The following TMEM132C variants were observed in gnomAD, a reference collection of about 807,000 sequenced individuals.
The protein encoded by TMEM132C is transmembrane protein 132C.
In TMEM132C, 29 loss-of-function variants were observed where a neutral mutation model predicts 61.4. The observed-to-expected ratio is 0.47, with a 90% CI of 0.35 to 0.64. The LOEUF (loss-of-function observed/expected upper bound fraction) is 0.64, where lower values mean the gene tolerates loss of function less well. Among genes scored for constraint, TMEM132C ranks in the 30% least tolerant of loss-of-function variants. The probability of loss-of-function intolerance (pLI) is 0.00; values close to 1 mark genes in which losing one functional copy is unlikely to be tolerated. For synonymous variants in TMEM132C, 656 were observed against 633.1 expected, an observed-to-expected ratio of 1.04 and a Z score of -0.54; for missense variants, 1,408 against 1,476.9, an observed-to-expected ratio of 0.95 and a Z score of 0.76.
At chr12:128,541,255 T>C (rs1873739928) in intron 2 of TMEM132C, among the ~76,000 whole-genome samples, 1 of 152,206 alleles carries the variant, frequency 6.6e-6, no homozygotes, top group Non-Finnish European at 1.5e-5. Flanking sequence ...CTTCCTGGGA[T>C]ACCACCTTCC....
chr12:128,584,638 A>C (rs572999818), intron 3 of TMEM132C, among the ~76,000 whole-genome samples: 2 of 152,246 alleles, frequency 1.3e-5, no homozygotes, highest in Non-Finnish European at 1.5e-5. Flanking sequence ...TGCTCTTCAC[A>C]TGTGCATGAT....
intron 4 of TMEM132C, among the ~76,000 whole-genome samples, chr12:128,647,063 T>C (rs1418640517): frequency 2.6e-5 from 4 of 151,266 alleles, no homozygotes; most frequent in Non-Finnish European, 5.9e-5. Context: ...TGCATCAGCG[T>C]TGGATGTGAG....
chr12:128,580,547 C>A (rs552841004), intron 3 of TMEM132C, among the ~76,000 whole-genome samples: 1 of 152,184 alleles, frequency 6.6e-6, no homozygotes, highest in Non-Finnish European at 1.5e-5. Context: ...CACGGTCCAA[C>A]GTGGGAAATT....
chr12:128,436,883 C>G (rs944940419), intron 2 of TMEM132C, among the ~76,000 whole-genome samples: 16 of 152,170 alleles, frequency 1.1e-4, no homozygotes, highest in Admixed American at 3.3e-4. Flanking sequence ...ATAGCAAAGA[C>G]TTGGAACCAA....
chr12:128,377,998 A>ACT (rs895886573), intron 1 of TMEM132C, among the ~76,000 whole-genome samples: 1 of 152,182 alleles, frequency 6.6e-6, no homozygotes, highest in African/African-American at 2.4e-5. Context: ...CGGTCCTGCT[A>ACT]CGTGACAATG....
chr12:128,508,181 T>C (rs1014011225), intron 2 of TMEM132C, among the ~76,000 whole-genome samples: 3 of 152,062 alleles, frequency 2.0e-5, no homozygotes, highest in African/African-American at 7.2e-5. Context: ...CAGAAGGCGA[T>C]GAGGGAATGA....
intron 1 of TMEM132C, among the ~76,000 whole-genome samples, chr12:128,348,251 A>T (rs529899435): frequency 6.6e-6 from 1 of 152,238 alleles, no homozygotes; most frequent in African/African-American, 2.4e-5. Context: ...ATTGTATCAT[A>T]TAGAAATACC....
intron 4 of TMEM132C, among the ~76,000 whole-genome samples, chr12:128,629,968 A>T (rs1954052461): frequency 8.1e-6 from 1 of 123,412 alleles, no homozygotes; most frequent in Non-Finnish European, 1.8e-5. Context: ...CTCCGTCTAA[A>T]TTAAAAAAAA....
At chr12:128,664,209 CACAT>C (rs1198217448) in intron 4 of TMEM132C, among the ~76,000 whole-genome samples, 9 of 136,632 alleles carry the variant, frequency 6.6e-5, no homozygotes, top group Non-Finnish European at 6.0e-5. Flanking sequence ...CAGGCACACA[CACAT>C]GCCTGTGTGT....
intron 2 of TMEM132C, among the ~76,000 whole-genome samples, chr12:128,493,613 T>A (rs553197641): frequency 6.6e-6 from 1 of 152,240 alleles, no homozygotes; most frequent in African/African-American, 2.4e-5. Context: ...TTTGAAGCAA[T>A]TGCAAATTGG....
chr12:128,639,136 T>C (rs1954130133), intron 4 of TMEM132C, among the ~76,000 whole-genome samples: 1 of 149,396 alleles, frequency 6.7e-6, no homozygotes, highest in Non-Finnish European at 1.5e-5. Flanking sequence ...ATGGTGTTAA[T>C]GACAATGGTG....
At chr12:128,551,463 AC>A (rs1874173248) in intron 3 of TMEM132C, among the ~76,000 whole-genome samples, 1 of 151,988 alleles carries the variant, frequency 6.6e-6, no homozygotes, top group Non-Finnish European at 1.5e-5. Flanking sequence ...GCTCCCCATC[AC>A]CCTGGGAGAG....
intron 1 of TMEM132C, among the ~76,000 whole-genome samples, chr12:128,332,623 C>A (rs980574777): frequency 4.6e-5 from 7 of 152,360 alleles, no homozygotes; most frequent in Non-Finnish European, 8.8e-5. Flanking sequence ...GCTCCTGCAG[C>A]AACTCTTTGG....
chr12:128,697,244 C>T lies in TMEM132C; in HGVS notation c.1950C>T (p.Asp650=), dbSNP rs1954772402. 6.5e-7 allele frequency: 1 copy of T among 1,528,766 alleles called. No individual in the cohort carries two copies. The highest frequency in any genetic ancestry group is 8.9e-7 in the Non-Finnish European group (1 of 1,129,010). 94.7% of individuals were successfully genotyped at this position (1,528,766 alleles called of 1,614,324 possible). Residue 650 remains aspartate, a synonymous_variant, in exon 8 of 9, where the codon GAC becomes GAT. Transcript: ENST00000435159. The part of the protein sequence containing the change: ...TTIQVLSPLS[D]SILAEKTITV... ...CACAGGTGTTGTCTCCACTGTCTGA[C>T]TCCATCCTGGCAGAGAAGACAATAA...
At chr12:128,665,479 A>G (rs1252293833) in intron 4 of TMEM132C, among the ~76,000 whole-genome samples, 4 of 150,744 alleles carry the variant, frequency 2.7e-5, no homozygotes, top group Non-Finnish European at 4.4e-5. Context: ...ACATAGGCGC[A>G]CACACACACA....
intron 2 of TMEM132C, among the ~76,000 whole-genome samples, chr12:128,525,344 TTCTC>T (rs762927232): frequency 7.2e-6 from 1 of 139,850 alleles, no homozygotes; most frequent in African/African-American, 2.7e-5. Flanking sequence ...CTCTCTCTCT[TTCTC>T]TCTCTCTCTC....
At chr12:128,298,599 G>T (rs1353245735) in intron 1 of TMEM132C, among the ~76,000 whole-genome samples, 1 of 152,170 alleles carries the variant, frequency 6.6e-6, no homozygotes, top group African/African-American at 2.4e-5. Context: ...CATCCTGTGG[G>T]TAACTGCCTG....
chr12:128,315,959 C>A (rs184548203), intron 1 of TMEM132C, among the ~76,000 whole-genome samples: 21 of 151,968 alleles, frequency 1.4e-4, no homozygotes, highest in Admixed American at 1.0e-3. Context: ...CCTGCCGACA[C>A]CGTGATTTCA....
At chr12:128,467,219 G>A (rs911773176) in intron 2 of TMEM132C, among the ~76,000 whole-genome samples, 10 of 152,190 alleles carry the variant, frequency 6.6e-5, no homozygotes, top group African/African-American at 2.4e-4. Flanking sequence ...GTATGTTGGG[G>A]TGGTTTCTTC....
Sources: allele counts gnomAD v4.1 joint callset (sites outside exome capture counted in the v4.1 genomes callset), GRCh38; gene constraint gnomAD v4.1.1; transcripts MANE v1.5; gene names NCBI Gene and HGNC (gene_info 2026-07-23, HGNC 2026-07-21).